The following CDK5RAP1 variants were observed in gnomAD, a reference collection of about 807,000 sequenced individuals.
The protein encoded by CDK5RAP1 is mitochondrial tRNA methylthiotransferase CDK5RAP1.
CDK5RAP1 carries 62 observed loss-of-function variants against 64.5 expected under a neutral mutation model. That is an observed-to-expected ratio of 0.96 (90% CI 0.78 to 1.19). The LOEUF is 1.19. Ranked by LOEUF, CDK5RAP1 falls within the 50% of genes most tolerant of loss-of-function variation. CDK5RAP1 has a pLI of 0.00. For synonymous variants in CDK5RAP1, 250 were observed against 261.9 expected, an observed-to-expected ratio of 0.95 and a Z score of 0.44; for missense variants, 657 against 735.0, an observed-to-expected ratio of 0.89 and a Z score of 1.23.
At chr20:33,367,518 C>T (rs1224044627) in intron 11 of CDK5RAP1, among the ~76,000 whole-genome samples, 3 of 152,198 alleles carry the variant, frequency 2.0e-5, no homozygotes, top group Non-Finnish European at 4.4e-5. Flanking sequence ...CAGATCAACA[C>T]ATGTAACTTT....
At chr20:33,359,223 T>A (rs1026966677) in intron 13 of CDK5RAP1, 100 bp from the exon 14 acceptor site, 1 of 864,356 alleles carries the variant, frequency 1.2e-6, no homozygotes, top group African/African-American at 1.7e-5. Flanking sequence ...AGGAATCTGA[T>A]GGAGGCGACC....
chr20:33,373,943 G>A, intron 9 of CDK5RAP1, 172 bp downstream of exon 9: 1 of 625,148 alleles, frequency 1.6e-6, no homozygotes, highest in South Asian at 1.9e-5. Flanking sequence ...CTTTGCTTAT[G>A]AAGTGAGCAG....
At position 33,394,078 on chromosome 20, in the gene CDK5RAP1, GA is replaced by G; in HGVS notation, c.409-13del. 1 of 1,583,770 alleles carries G rather than the reference GA, an allele frequency of 6.3e-7. No homozygotes were observed. Among genetic ancestry groups the G allele is most frequent in the Non-Finnish European group, 8.7e-7 (1 of 1,152,354 alleles). On this transcript the variant is annotated splice_polypyrimidine_tract_variant and intron_variant, in intron 3 of 13. Coordinates refer to ENST00000346416, the MANE Select transcript of CDK5RAP1 (RefSeq NM_016408.4). The stretch of plus-strand genomic sequence containing the variant: ...AGAATCACATCTGCCTGAATGGAAA[GA>G]AAGGAAAACAAGGAAAATTACATAA...
intron 5 of CDK5RAP1, among the ~76,000 whole-genome samples, chr20:33,389,203 C>A (rs1448498208): frequency 2.0e-5 from 3 of 151,798 alleles, no homozygotes; most frequent in Non-Finnish European, 4.4e-5. Flanking sequence ...GGCCACCCAT[C>A]GTCTGAGATG....
At chr20:33,393,192 T>C (rs6057840) in intron 4 of CDK5RAP1, among the ~76,000 whole-genome samples, 146 of 152,190 alleles carry the variant, frequency 9.6e-4, no homozygotes, top group African/African-American at 3.5e-3. Context: ...ATTTATCTTT[T>C]ATTTTTCTTT....
intron 1 of CDK5RAP1, among the ~76,000 whole-genome samples, chr20:33,401,200 C>T (rs1023515399): frequency 6.6e-6 from 1 of 152,214 alleles, no homozygotes; most frequent in African/African-American, 2.4e-5. Context: ...TCACGGGTGG[C>T]GAAGCGAAGC....
chr20:33,379,747 A>G, intron 7 of CDK5RAP1, 56 bp from the exon 8 acceptor site: 1 of 1,284,424 alleles, frequency 7.8e-7, no homozygotes, highest in Non-Finnish European at 1.1e-6. Flanking sequence ...TTCATAAAAA[A>G]ACACTAATTA....
intron 9 of CDK5RAP1, chr20:33,373,571 C>CATA (rs1308554673): frequency 6.5e-6 from 1 of 152,904 alleles, no homozygotes; most frequent in African/African-American, 2.4e-5. Context: ...GCACTAATTC[C>CATA]ATACAGCTTG....
intron 9 of CDK5RAP1, chr20:33,373,876 C>A (rs1985522579): frequency 1.9e-6 from 1 of 519,020 alleles, no homozygotes; most frequent in African/African-American, 1.9e-5. Flanking sequence ...AGTGGCTGCT[C>A]AGTAAATATT....
chr20:33,359,005 A>C lies in CDK5RAP1; in HGVS notation c.*38T>G. 3 of 1,425,304 alleles carry C rather than the reference A, an allele frequency of 2.1e-6. No individual in the cohort carries two copies. Among genetic ancestry groups the C allele is most frequent in the Non-Finnish European group, 2.0e-6 (2 of 1,011,908 alleles). The allele number at this position is 1,425,304 out of a possible 1,614,324, so 88.3% of individuals were successfully genotyped here. A position where few individuals can be genotyped will look rare whatever the true frequency, so the allele number is the denominator to read the frequency against. Reference sequence around the variant, plus strand: ...GCAATGTCTCCCCTTCCTGTTGGGGAGGATTGCCCAAGTCAGCTCTGAGGC... The same window carrying C: ...GCAATGTCTCCCCTTCCTGTTGGGGCGGATTGCCCAAGTCAGCTCTGAGGC... On this transcript the variant is annotated 3_prime_UTR_variant, in exon 14 of 14. Coordinates refer to ENST00000346416, the MANE Select transcript of CDK5RAP1 (RefSeq NM_016408.4).
At chr20:33,360,948 G>C (rs139801378) in intron 12 of CDK5RAP1, among the ~76,000 whole-genome samples, 29 of 152,304 alleles carry the variant, frequency 1.9e-4, no homozygotes, top group African/African-American at 6.5e-4. Context: ...ACAGAAGACA[G>C]AGCCAGGAAG....
In CDK5RAP1 at chr20:33,374,289, T is replaced by C. The variant is rs894105570; in HGVS notation, c.1108-77A>G. 29 of 897,084 alleles carry C rather than the reference T, an allele frequency of 3.2e-5. 1 individual carries two copies. The African/African-American group carries it at 4.3e-4, about 13-fold the overall frequency. 55.6% of individuals were successfully genotyped at this position (897,084 alleles called of 1,614,324 possible). A position where few individuals can be genotyped will look rare whatever the true frequency, so the allele number is the denominator to read the frequency against. On this transcript the variant is annotated intron_variant, in intron 8 of 13. Transcript: ENST00000346416. ...ACAGAAAGCAATACCGCTCTTACTATGTATCCTCCAAGGTCAATTTTCACA... is the reference window on the plus strand; with the variant it reads ...ACAGAAAGCAATACCGCTCTTACTACGTATCCTCCAAGGTCAATTTTCACA...
chr20:33,372,901 T>G, intron 9 of CDK5RAP1: 1 of 378,314 alleles, frequency 2.6e-6, no homozygotes, highest in Non-Finnish European at 4.6e-6. Flanking sequence ...AATTTTTATT[T>G]AAGGACATAA....
intron 12 of CDK5RAP1, among the ~76,000 whole-genome samples, chr20:33,362,673 ACT>A (rs150184878): frequency 0.021 from 3,125 of 152,296 alleles, 105 homozygotes; most frequent in African/African-American, 0.07. Context: ...CAAAAGTAAA[ACT>A]CTGTAAAAAT....
At chr20:33,363,640 G>A (rs144743249) in intron 12 of CDK5RAP1, among the ~76,000 whole-genome samples, 27 of 152,194 alleles carry the variant, frequency 1.8e-4, no homozygotes, top group African/African-American at 6.3e-4. Context: ...GCTCATGCCT[G>A]TAATCCCAGA....
chr20:33,374,014 T>G (rs1402389931), intron 9 of CDK5RAP1, 101 bp downstream of exon 9: 2 of 793,678 alleles, frequency 2.5e-6, no homozygotes, highest in Non-Finnish European at 4.4e-6. Context: ...GCAGCTACTT[T>G]GTGCCACACA....
intron 1 of CDK5RAP1, among the ~76,000 whole-genome samples, chr20:33,401,151 T>C (rs774219950): frequency 3.3e-5 from 5 of 152,178 alleles, no homozygotes; most frequent in South Asian, 4.1e-4. Context: ...ATAACCCTCA[T>C]AGCAACCCTG....
intron 11 of CDK5RAP1, among the ~76,000 whole-genome samples, chr20:33,367,646 TG>T (rs1222380553): frequency 6.6e-6 from 1 of 152,214 alleles, no homozygotes. Flanking sequence ...CTAGGCAACC[TG>T]GGAAGAAGGA....
chr20:33,390,241 T>C (rs1468343022), intron 5 of CDK5RAP1, among the ~76,000 whole-genome samples: 4 of 148,166 alleles, frequency 2.7e-5, no homozygotes, highest in Admixed American at 2.0e-4. Context: ...GCCACTGCAC[T>C]CCAGCCTGGG....
Sources: allele counts gnomAD v4.1 joint callset (sites outside exome capture counted in the v4.1 genomes callset), GRCh38; gene constraint gnomAD v4.1.1; transcripts MANE v1.5; gene names NCBI Gene and HGNC (gene_info 2026-07-23, HGNC 2026-07-21).